The following CADPS variants were observed in gnomAD, a reference collection of about 807,000 sequenced individuals.
CADPS encodes calcium dependent secretion activator.
In CADPS, 57 loss-of-function variants were observed where a neutral mutation model predicts 167.3. That is an observed-to-expected ratio of 0.34 (90% CI 0.28 to 0.42). The LOEUF (loss-of-function observed/expected upper bound fraction) is 0.42, where lower values mean the gene tolerates loss of function less well. Among genes scored for constraint, CADPS ranks in the 20% least tolerant of loss-of-function variants. The pLI is 1.00. For missense variants in CADPS, 1,414 were observed against 1,738.1 expected, an observed-to-expected ratio of 0.81 and a Z score of 3.32; for synonymous variants, 676 against 635.3, an observed-to-expected ratio of 1.06 and a Z score of -0.96.
intron 9 of CADPS, among the ~76,000 whole-genome samples, chr3:62,560,502 A>G (rs1232363434): frequency 6.6e-6 from 1 of 152,252 alleles, no homozygotes. Flanking sequence ...CCTGGCCTAC[A>G]ACAGAAAGCA....
In CADPS at chr3:62,536,513, C is replaced by T. The variant is rs376619081; in HGVS notation, c.2035G>A (p.Ala679Thr). The change falls in exon 12 of 30, where the codon GCT becomes ACT. Residue 679 changes from alanine (A) to threonine (T), a missense_variant. Coordinates refer to ENST00000383710, the MANE Select transcript of CADPS (RefSeq NM_003716.4). ...CGTTGTACCATCTCAAAGAGGGAAGCGTGGTCAAAGTTACAGGGGTTGGAA... is the reference window on the plus strand; with the variant it reads ...CGTTGTACCATCTCAAAGAGGGAAGTGTGGTCAAAGTTACAGGGGTTGGAA... ...ISSNPCNFDH[A>T]SLFEMVQRLT... The T allele has an allele frequency of 8.1e-6, 13 of 1,612,912 alleles. No homozygotes were observed. The highest frequency in any genetic ancestry group is 6.7e-5 in the African/African-American group (5 of 74,856).
intron 1 of CADPS, among the ~76,000 whole-genome samples, chr3:62,812,519 C>T (rs1217170560): frequency 6.6e-6 from 1 of 152,126 alleles, no homozygotes; most frequent in Non-Finnish European, 1.5e-5. Flanking sequence ...GGTAAAGGTA[C>T]AATCACACAT....
At chr3:62,695,953 T>A (rs559852313) in intron 3 of CADPS, among the ~76,000 whole-genome samples, 30 of 152,270 alleles carry the variant, frequency 2.0e-4, no homozygotes, top group Admixed American at 8.5e-4. Context: ...TGGGTCTTTA[T>A]TCTGAACGCT....
intron 3 of CADPS, among the ~76,000 whole-genome samples, chr3:62,707,179 G>C (rs1243978225): frequency 6.6e-6 from 1 of 152,042 alleles, no homozygotes; most frequent in Non-Finnish European, 1.5e-5. Context: ...CCTCCCAACA[G>C]ATCAGTGGTG....
At chr3:62,643,408 G>A (rs1227904367) in intron 6 of CADPS, among the ~76,000 whole-genome samples, 1 of 152,180 alleles carries the variant, frequency 6.6e-6, no homozygotes, top group East Asian at 1.9e-4. Flanking sequence ...ACTGACTGAA[G>A]AGGAATCAAA....
At chr3:62,429,613 T>G (rs927764809) in intron 28 of CADPS, among the ~76,000 whole-genome samples, 7 of 149,644 alleles carry the variant, frequency 4.7e-5, no homozygotes, top group East Asian at 2.0e-4. Context: ...CTCTGTGTGT[T>G]TGTGTGTGTG....
At chr3:62,695,547 T>A (rs969874654) in intron 3 of CADPS, among the ~76,000 whole-genome samples, 9 of 152,116 alleles carry the variant, frequency 5.9e-5, no homozygotes, top group Non-Finnish European at 7.4e-5. Context: ...TTGGTACCTG[T>A]GAAATTTCAG....
In CADPS at chr3:62,438,559, T is replaced by C. The variant is rs1248391492; in HGVS notation, c.3670-348A>G. On this transcript the variant is annotated intron_variant, in intron 27 of 29. Transcript: ENST00000383710. This position sits in a 1 kb window ranked among gnomAD's most constrained non-coding sequence, Gnocchi z 4.7. The stretch of plus-strand genomic sequence containing the variant: ...CTTTGCCTTGGATTGAAACCTGCAT[T>C]AAAGAATATCCAAACATACTGTTTT... The C allele has an allele frequency of 4.7e-6, 1 of 211,542 alleles. No homozygotes were observed. The highest frequency in any genetic ancestry group is 2.3e-5 in the African/African-American group (1 of 42,814). The allele number at this position is 211,542 out of a possible 1,614,324, so 13.1% of individuals were successfully genotyped here.
chr3:62,834,371 C>T (rs1009301100), intron 1 of CADPS, among the ~76,000 whole-genome samples: 7 of 152,288 alleles, frequency 4.6e-5, no homozygotes, highest in Non-Finnish European at 1.0e-4. Flanking sequence ...GGGAACTCCT[C>T]ACTGCTTATA....
chr3:62,823,016 A>T (rs1165078176), intron 1 of CADPS, among the ~76,000 whole-genome samples: 1 of 152,166 alleles, frequency 6.6e-6, no homozygotes, highest in African/African-American at 2.4e-5. Flanking sequence ...TAGTCAGAAA[A>T]TTGCAAATGC....
At chr3:62,521,499 T>C (rs2070583594) in intron 13 of CADPS, among the ~76,000 whole-genome samples, 1 of 152,136 alleles carries the variant, frequency 6.6e-6, no homozygotes, top group Admixed American at 6.6e-5. Flanking sequence ...TATTTGGGGG[T>C]GATTCTACAA....
chr3:62,842,798 G>C (rs2076832997), intron 1 of CADPS, among the ~76,000 whole-genome samples: 1 of 152,132 alleles, frequency 6.6e-6, no homozygotes, highest in African/African-American at 2.4e-5. Context: ...TCACTCTCTA[G>C]ACATGCTGAA....
At chr3:62,540,245 T>C (rs2075461507) in intron 11 of CADPS, among the ~76,000 whole-genome samples, 1 of 152,136 alleles carries the variant, frequency 6.6e-6, no homozygotes, top group Non-Finnish European at 1.5e-5. Context: ...TATTTTTCTT[T>C]TCTGCCCCTG....
chr3:62,489,695 GGTA>G (rs1273326104), intron 21 of CADPS, among the ~76,000 whole-genome samples: 3 of 152,156 alleles, frequency 2.0e-5, no homozygotes, highest in South Asian at 2.1e-4. Flanking sequence ...CATGTGTGTT[GGTA>G]GTAGTAGTCT....
At chr3:62,547,585 C>CCCA (rs2076663775) in intron 11 of CADPS, among the ~76,000 whole-genome samples, 1 of 82,324 alleles carries the variant, frequency 1.2e-5, no homozygotes, top group African/African-American at 6.1e-5. Flanking sequence ...ATATCATTTA[C>CCCA]GCCCCCCCCC....
intron 1 of CADPS, among the ~76,000 whole-genome samples, chr3:62,868,715 A>T (rs759793081): frequency 6.6e-6 from 1 of 152,146 alleles, no homozygotes; most frequent in Non-Finnish European, 1.5e-5. Flanking sequence ...ATCTAACTTC[A>T]TCTCTAACCA....
At chr3:62,841,648 C>G (rs2076669459) in intron 1 of CADPS, among the ~76,000 whole-genome samples, 1 of 152,140 alleles carries the variant, frequency 6.6e-6, no homozygotes, top group Non-Finnish European at 1.5e-5. Flanking sequence ...CTGCAGCGAG[C>G]CCTGATGGCA....
chr3:62,487,877 T>C (rs1023820472), intron 21 of CADPS, among the ~76,000 whole-genome samples: 6 of 152,234 alleles, frequency 3.9e-5, no homozygotes, highest in African/African-American at 9.6e-5. Flanking sequence ...GCAAACTCAA[T>C]ACATTGGTAG....
chr3:62,588,520 T>G (rs760930560), intron 7 of CADPS, among the ~76,000 whole-genome samples: 1 of 152,140 alleles, frequency 6.6e-6, no homozygotes, highest in Non-Finnish European at 1.5e-5. Flanking sequence ...TTATGCCTTT[T>G]GTGGAAGGAT....
Sources: allele counts gnomAD v4.1 joint callset (sites outside exome capture counted in the v4.1 genomes callset), GRCh38; gene constraint gnomAD v4.1.1; non-coding constraint Gnocchi (gnomAD v3.1); transcripts MANE v1.5; gene names NCBI Gene and HGNC (gene_info 2026-07-23, HGNC 2026-07-21).